GRID2: variants seen among roughly 807,000 people sequenced by gnomAD.
GRID2 encodes glutamate receptor ionotropic, delta-2.
In GRID2, 33 loss-of-function variants were observed where a neutral mutation model predicts 114.8. The observed-to-expected ratio is 0.29, with a 90% CI of 0.22 to 0.38. The LOEUF (loss-of-function observed/expected upper bound fraction) is 0.38. Ranked by LOEUF, GRID2 falls within the 10% of genes least tolerant of loss-of-function variation. The pLI, the probability that GRID2 is intolerant of heterozygous loss-of-function variation, is 1.00. For synonymous variants in GRID2, 505 were observed against 449.9 expected, an observed-to-expected ratio of 1.12 and a Z score of -1.55; for missense variants, 1,184 against 1,257.7, an observed-to-expected ratio of 0.94 and a Z score of 0.89.
chr4:93,112,773 G>A (rs1409907433), intron 4 of GRID2, among the ~76,000 whole-genome samples: 1 of 152,056 alleles, frequency 6.6e-6, no homozygotes, highest in Non-Finnish European at 1.5e-5. Flanking sequence ...GGGGTGTGAG[G>A]GAAGGAACTG....
intron 15 of GRID2, among the ~76,000 whole-genome samples, chr4:93,769,819 TA>T (rs1733969524): frequency 6.6e-6 from 1 of 152,190 alleles, no homozygotes; most frequent in Non-Finnish European, 1.5e-5. Context: ...GTTTAACTTG[TA>T]AGTAAATTCC....
chr4:92,534,309 T>C (rs574446565), intron 1 of GRID2, among the ~76,000 whole-genome samples: 1 of 152,308 alleles, frequency 6.6e-6, no homozygotes, highest in African/African-American at 2.4e-5. Context: ...GACTGGATGA[T>C]ATTTTGCTGT....
chr4:92,905,673 T>G (rs906486626), intron 2 of GRID2, among the ~76,000 whole-genome samples: 3 of 152,096 alleles, frequency 2.0e-5, no homozygotes, highest in African/African-American at 7.2e-5. Context: ...AATTTAAATT[T>G]AAATACTCAT....
intron 13 of GRID2, among the ~76,000 whole-genome samples, chr4:93,557,037 A>G (rs1443536645): frequency 6.6e-6 from 1 of 152,230 alleles, no homozygotes; most frequent in Non-Finnish European, 1.5e-5. Context: ...AGACAAGCAA[A>G]TGCTGAGGGA....
At chr4:93,723,641 T>G (rs1729582223) in intron 14 of GRID2, among the ~76,000 whole-genome samples, 1 of 151,334 alleles carries the variant, frequency 6.6e-6, no homozygotes, top group Admixed American at 6.6e-5. Flanking sequence ...AACTTACTAT[T>G]TCCCCCAGGG....
At chr4:93,464,825 G>A (rs1025449329) in intron 11 of GRID2, among the ~76,000 whole-genome samples, 3 of 152,036 alleles carry the variant, frequency 2.0e-5, no homozygotes, top group Admixed American at 6.6e-5. Context: ...CTTTATCTTA[G>A]ACTCCAAATT....
intron 13 of GRID2, among the ~76,000 whole-genome samples, chr4:93,581,590 C>T (rs896513661): frequency 6.6e-6 from 1 of 152,004 alleles, no homozygotes; most frequent in East Asian, 1.9e-4. Context: ...GACCAAATGC[C>T]GAACCTACTC....
intron 13 of GRID2, among the ~76,000 whole-genome samples, chr4:93,541,415 T>C (rs2149527810): frequency 6.6e-6 from 1 of 152,094 alleles, no homozygotes; most frequent in Non-Finnish European, 1.5e-5. Context: ...ATGGAGAGAG[T>C]GAGAGTTAAG....
chr4:93,596,502 C>T (rs977584771), intron 13 of GRID2, among the ~76,000 whole-genome samples: 9 of 151,968 alleles, frequency 5.9e-5, no homozygotes, highest in East Asian at 1.9e-4. Context: ...GCGGTGAACT[C>T]GGGAGGCGGA....
At chr4:92,404,060 C>T (rs537474467) in intron 1 of GRID2, among the ~76,000 whole-genome samples, 154 of 152,142 alleles carry the variant, frequency 1.0e-3, no homozygotes, top group Non-Finnish European at 1.7e-3. Context: ...AAACGTGACG[C>T]AGAGACATGA....
At chr4:93,709,172 A>G (rs72672453) in intron 14 of GRID2, among the ~76,000 whole-genome samples, 2,325 of 152,204 alleles carry the variant, frequency 0.015, 27 homozygotes, top group Non-Finnish European at 0.022. Flanking sequence ...TGTACTTGCT[A>G]TTACTAGGGA....
chr4:92,672,763 A>G lies in GRID2; in HGVS notation c.244+82477A>G, dbSNP rs78705784. 9.2e-3 allele frequency among the ~76,000 whole-genome samples: 1,403 copies of G among 152,252 alleles called. 20 individuals are homozygous for G. The highest frequency in any genetic ancestry group is 0.067 in the South Asian group (321 of 4,826). On this transcript the variant is annotated intron_variant, in intron 2 of 15. Transcript: ENST00000282020. ...GTTTATAATATGATACATTGATATA[A>G]TCAAGTCAGGGTAATTAGGATATCT...
intron 13 of GRID2, among the ~76,000 whole-genome samples, chr4:93,576,726 A>T (rs890489145): frequency 9.2e-5 from 14 of 151,494 alleles, no homozygotes; most frequent in Admixed American, 3.9e-4. Flanking sequence ...ATTTCCTTTT[A>T]TTTTTTTTCT....
At chr4:93,007,141 C>A (rs1213114486) in intron 2 of GRID2, among the ~76,000 whole-genome samples, 1 of 151,930 alleles carries the variant, frequency 6.6e-6, no homozygotes, top group Non-Finnish European at 1.5e-5. Flanking sequence ...AGAATAGATT[C>A]TAATGAGTAT....
chr4:93,585,529 C>A (rs909583437), intron 13 of GRID2, among the ~76,000 whole-genome samples: 2 of 152,000 alleles, frequency 1.3e-5, no homozygotes, highest in Admixed American at 6.6e-5. Context: ...TGGTCTCAAC[C>A]CTTCTTAAAA....
At chr4:93,527,805 C>A (rs543900990) in intron 13 of GRID2, among the ~76,000 whole-genome samples, 1 of 151,914 alleles carries the variant, frequency 6.6e-6, no homozygotes, top group South Asian at 2.1e-4. Context: ...TCGCCACCAT[C>A]CATCTCCACA....
At chr4:93,539,058 T>C (rs1013111299) in intron 13 of GRID2, among the ~76,000 whole-genome samples, 2 of 151,880 alleles carry the variant, frequency 1.3e-5, no homozygotes, top group African/African-American at 4.8e-5. Context: ...GTAATACTTG[T>C]GAATCTAAAG....
chr4:92,691,607 C>T (rs543497792), intron 2 of GRID2, among the ~76,000 whole-genome samples: 14 of 152,224 alleles, frequency 9.2e-5, no homozygotes, highest in Non-Finnish European at 1.8e-4. Flanking sequence ...GATACACTGA[C>T]ATATTAAAGT....
chr4:92,586,700 A>G (rs181110173), intron 1 of GRID2, among the ~76,000 whole-genome samples: 2 of 152,060 alleles, frequency 1.3e-5, no homozygotes, highest in East Asian at 3.9e-4. Flanking sequence ...TGACAATTAT[A>G]TTTTTGTAGA....
Sources: allele counts gnomAD v4.1 joint callset (sites outside exome capture counted in the v4.1 genomes callset), GRCh38; gene constraint gnomAD v4.1.1; transcripts MANE v1.5; gene names NCBI Gene and HGNC (gene_info 2026-07-23, HGNC 2026-07-21).